Variants in B3GNT7 observed in about 807,000 individuals in gnomAD.
The protein encoded by B3GNT7 is BGnT-7.
A neutral mutation model predicts 5.1 loss-of-function variants in B3GNT7; 9 were observed. That is an observed-to-expected ratio of 1.77 (90% CI 1.07 to 3.09). The LOEUF (loss-of-function observed/expected upper bound fraction) is 3.09. Ranked by LOEUF, B3GNT7 falls within the 30% of genes most tolerant of loss-of-function variation. The pLI, the probability that B3GNT7 is intolerant of heterozygous loss-of-function variation, is 0.00. For missense variants in B3GNT7, 468 were observed against 550.8 expected (o/e 0.85, Z 1.50); for synonymous variants, 253 against 248.6 (o/e 1.02, Z -0.17).
intron 1 of B3GNT7, among the ~76,000 whole-genome samples, chr2:231,396,816 C>T (rs886582574): frequency 6.6e-6 from 1 of 151,698 alleles, no homozygotes; most frequent in African/African-American, 2.4e-5. Flanking sequence ...GCTCAGGCCC[C>T]AGGGCTTGGG....
chr2:231,397,404 T>C (rs2046524238), intron 1 of B3GNT7: 1 of 374,244 alleles, frequency 2.7e-6, no homozygotes, highest in Admixed American at 4.9e-5. Flanking sequence ...TGCCTGGTAC[T>C]TTATATAGCA....
chr2:231,398,741 C>T lies in B3GNT7; in HGVS notation c.1022C>T (p.Pro341Leu). The stretch of plus-strand genomic sequence containing the variant: ...TGCCTGGAGGTGCTGGGCGTGCAGC[C>T]CACGGCCCACGAGGGCTTCAAGACT... ...GMCLEVLGVQPTAHEGFKTFG... is the reference protein window; with the variant it reads ...GMCLEVLGVQLTAHEGFKTFG... The change falls in exon 2 of 2, where the codon CCC (proline) becomes CTC (leucine). Residue 341 changes from proline to leucine, a missense_variant. Pro to Leu is a moderately conservative substitution (Grantham distance 98). Transcript: ENST00000287590. 6.2e-7 allele frequency: 1 copy of T among 1,610,590 alleles called. No homozygotes were observed. Among genetic ancestry groups the T allele is most frequent in the Non-Finnish European group, 8.5e-7 (1 of 1,179,836 alleles).
chr2:231,398,981 T>A lies in B3GNT7; in HGVS notation c.*56T>A, dbSNP rs948611155. 2.1e-6 allele frequency: 3 copies of A among 1,450,264 alleles called. No individual in the cohort carries two copies. The highest frequency in any genetic ancestry group is 2.8e-5 in the African/African-American group (2 of 71,148). The allele number at this position is 1,450,264 out of a possible 1,614,324, so 89.8% of individuals were successfully genotyped here. On this transcript the variant is annotated 3_prime_UTR_variant, in exon 2 of 2. Transcript: ENST00000287590. ...CACTTGCTCCTGAGCCCCCATGGTA[T>A]TGGGGCTGGAGCCACAGTGCCCAGG... is the stretch of plus-strand genomic sequence containing the variant.
chr2:231,398,683 C>T lies in B3GNT7; in HGVS notation c.964C>T (p.Leu322Phe). ...RLHHACDTLE[L>F]YPIDDVFLGM... ...GCACCATGCCTGCGACACCCTGGAG[C>T]TCTACCCGATCGACGACGTCTTTCT... The change falls in exon 2 of 2, where the codon CTC becomes TTC. Residue 322 changes from leucine (L) to phenylalanine (F), a missense_variant. Physicochemically the swap from Leu to Phe is conservative, Grantham distance 22. Transcript: ENST00000287590. 6.2e-7 allele frequency: 1 copy of T among 1,612,180 alleles called. No homozygotes were observed. Among genetic ancestry groups the T allele is most frequent in the East Asian group, 2.2e-5 (1 of 44,872 alleles).
chr2:231,395,978 G>GGCGGCA lies in B3GNT7; in HGVS notation c.11+169_11+170insAGCGGC, dbSNP rs1384709126. Among the ~76,000 whole-genome samples, 1 of 151,146 alleles carries GGCGGCA rather than the reference G, an allele frequency of 6.6e-6. No individual in the cohort carries two copies. The highest frequency in any genetic ancestry group is 1.5e-5 in the Non-Finnish European group (1 of 67,620). On this transcript the variant is annotated intron_variant, in intron 1 of 1. Transcript: ENST00000287590. This position sits in a 1 kb window ranked among gnomAD's most constrained non-coding sequence, Gnocchi z 7.3. ...CGGGGGCGGATGGGCGGGCGGGCGC[G>GGCGGCA]GCGGCGGCGGCGGGAGATGTTCGCG...
chr2:231,395,863 G>A lies in B3GNT7; in HGVS notation c.11+49G>A. Reference sequence around the variant, plus strand: ...GGGGCCTGGGCGGGGGCGTGGGCCCGGGGCTCCCCCTCCTCCGTGGCCACA... The same window carrying A: ...GGGGCCTGGGCGGGGGCGTGGGCCCAGGGCTCCCCCTCCTCCGTGGCCACA... On this transcript the variant is annotated intron_variant, in intron 1 of 1. Coordinates refer to ENST00000287590, the MANE Select transcript of B3GNT7 (RefSeq NM_145236.3). This position sits in a 1 kb window ranked among gnomAD's most constrained non-coding sequence, Gnocchi z 7.3. 1 of 1,115,330 alleles carries A rather than the reference G, an allele frequency of 9.0e-7. No homozygotes were observed. Among genetic ancestry groups the A allele is most frequent in the Non-Finnish European group, 1.1e-6 (1 of 901,932 alleles). 69.1% of individuals were successfully genotyped at this position (1,115,330 alleles called of 1,614,324 possible).
intron 1 of B3GNT7, among the ~76,000 whole-genome samples, chr2:231,396,450 C>T (rs563875916): frequency 6.6e-6 from 1 of 152,334 alleles, no homozygotes; most frequent in East Asian, 1.9e-4. Flanking sequence ...GTCACACCCC[C>T]CAGCCTGCAC....
chr2:231,401,130 G>C lies in B3GNT7; in HGVS notation c.*2205G>C, dbSNP rs1312170883. ...GCTCTTAAGACGCGAGTCTGCCGAC[G>C]CTCCCGGCCGAATAAAAACCTCTTC... On this transcript the variant is annotated 3_prime_UTR_variant, in exon 2 of 2. Coordinates refer to ENST00000287590, the MANE Select transcript of B3GNT7 (RefSeq NM_145236.3). The C allele has an allele frequency of 6.6e-6, 1 of 152,322 alleles. No individual in the cohort carries two copies. The highest frequency in any genetic ancestry group is 2.1e-4 in the South Asian group (1 of 4,826). The allele number at this position is 152,322 out of a possible 1,614,324, so 9.4% of individuals were successfully genotyped here.
rs6750321 is a variant in B3GNT7, at chr2:231,397,077, C to A, written c.12-654C>A. 2.3e-3 allele frequency: 1,174 copies of A among 519,930 alleles called. 16 individuals carry two copies. The African/African-American group carries it at 0.023, about 10-fold the overall frequency. The allele number at this position is 519,930 out of a possible 1,614,324, so 32.2% of individuals were successfully genotyped here. On this transcript the variant is annotated intron_variant, in intron 1 of 1. Coordinates refer to ENST00000287590, the MANE Select transcript of B3GNT7 (RefSeq NM_145236.3). ...ACTGCATCCTTGGGCCTCCATCAACCATGAGGGCTGCTCTTTGTTGGGTGA... is the reference window on the plus strand; with the variant it reads ...ACTGCATCCTTGGGCCTCCATCAACAATGAGGGCTGCTCTTTGTTGGGTGA...
chr2:231,396,528 G>A (rs1346363209), intron 1 of B3GNT7, among the ~76,000 whole-genome samples: 1 of 152,194 alleles, frequency 6.6e-6, no homozygotes, highest in African/African-American at 2.4e-5. Context: ...GGAAAATGTC[G>A]CTCTATGGGG....
In B3GNT7 at chr2:231,398,219, G is replaced by T; in HGVS notation, c.500G>T (p.Gly167Val). The T allele has an allele frequency of 6.2e-7, 1 of 1,600,546 alleles. No individual in the cohort carries two copies. The highest frequency in any genetic ancestry group is 8.5e-7 in the Non-Finnish European group (1 of 1,173,260). Residue 167 changes from glycine to valine, a missense_variant, in exon 2 of 2, where the codon GGC becomes GTC. Gly to Val is a moderately radical substitution (Grantham distance 109). Coordinates refer to ENST00000287590, the MANE Select transcript of B3GNT7 (RefSeq NM_145236.3). Reference sequence around the variant, plus strand: ...CGCGAGCGGCAGTCCGCGGGTGGGGGCCGAGGCGCCGTGCGCACCCTCTTC... The same window carrying T: ...CGCGAGCGGCAGTCCGCGGGTGGGGTCCGAGGCGCCGTGCGCACCCTCTTC... ...WGRERQSAGG[G>V]RGAVRTLFLL...
chr2:231,398,975 A>C lies in B3GNT7; in HGVS notation c.*50A>C. On this transcript the variant is annotated 3_prime_UTR_variant, in exon 2 of 2. Transcript: ENST00000287590. The stretch of plus-strand genomic sequence containing the variant: ...CCAGGGCACTTGCTCCTGAGCCCCC[A>C]TGGTATTGGGGCTGGAGCCACAGTG... The C allele has an allele frequency of 2.8e-5, 41 of 1,454,008 alleles. No homozygotes were observed. The highest frequency in any genetic ancestry group is 3.5e-5 in the Non-Finnish European group (38 of 1,082,228). The allele number at this position is 1,454,008 out of a possible 1,614,324, so 90.1% of individuals were successfully genotyped here. A position where few individuals can be genotyped will look rare whatever the true frequency, so the allele number is the denominator to read the frequency against.
rs144756236 is a variant in B3GNT7 at position 231,396,867 on chromosome 2, C to T, written c.12-864C>T. On this transcript the variant is annotated intron_variant, in intron 1 of 1. Transcript: ENST00000287590. ...GGCAGAGAGCTCTAATTTCTGCTTCCGAAATGGGTGTGGACCGGGGTTGGG... is the reference window on the plus strand; with the variant it reads ...GGCAGAGAGCTCTAATTTCTGCTTCTGAAATGGGTGTGGACCGGGGTTGGG... Among the ~76,000 whole-genome samples the T allele has an allele frequency of 6.8e-4, 102 of 149,564 alleles. 2 individuals are homozygous for T. In the East Asian group the frequency reaches 0.018, roughly 26 times the overall value.
chr2:231,396,885 G>A (rs1424637662), intron 1 of B3GNT7, among the ~76,000 whole-genome samples: 1 of 152,154 alleles, frequency 6.6e-6, no homozygotes, highest in Non-Finnish European at 1.5e-5. Context: ...GTGTGGACCG[G>A]GGTTGGGGTG....
At chr2:231,397,683 T>G (rs376886234) in intron 1 of B3GNT7, 48 bp from the exon 2 acceptor site, 38 of 1,513,624 alleles carry the variant, frequency 2.5e-5, no homozygotes, top group Non-Finnish European at 3.2e-5. Context: ...AGGAGAGCCC[T>G]GGGCTCATCT....
At position 231,398,498 on chromosome 2, in the gene B3GNT7, AG is replaced by A; in HGVS notation, c.781del (p.Glu261LysfsTer100). Reference sequence around the variant, plus strand: ...GAATTTCTGGCTGACCGGCAGCCACAGGAAAACCTGTTCGTGGGCGATGTCC... The same window carrying A: ...GAATTTCTGGCTGACCGGCAGCCACAGAAAACCTGTTCGTGGGCGATGTCC... The part of the protein sequence containing the change: ...LLEFLADRQP[Q>X]ENLFVGDVLQ... On this transcript the variant is annotated frameshift_variant, in exon 2 of 2. Coordinates refer to ENST00000287590, the MANE Select transcript of B3GNT7 (RefSeq NM_145236.3). LOFTEE classifies it low-confidence loss of function (END_TRUNC). 4.3e-6 allele frequency: 7 copies of A among 1,613,750 alleles called. No individual in the cohort carries two copies. Among genetic ancestry groups the A allele is most frequent in the Non-Finnish European group, 5.9e-6 (7 of 1,179,894 alleles).
At position 231,395,849 on chromosome 2, in the gene B3GNT7, G is replaced by C. The variant is rs2046508382; in HGVS notation, c.11+35G>C. 5.2e-6 allele frequency: 6 copies of C among 1,146,338 alleles called. No homozygotes were observed. Among genetic ancestry groups the C allele is most frequent in the Non-Finnish European group, 6.5e-6 (6 of 929,148 alleles). The allele number at this position is 1,146,338 out of a possible 1,614,324, so 71.0% of individuals were successfully genotyped here. A position where few individuals can be genotyped will look rare whatever the true frequency, so the allele number is the denominator to read the frequency against. ...GCTGGGGGCCGTCGGGGGCCTGGGC[G>C]GGGGCGTGGGCCCGGGGCTCCCCCT... On this transcript the variant is annotated intron_variant, in intron 1 of 1. Transcript: ENST00000287590. The surrounding 1 kb of genome is among the most constrained non-coding windows in gnomAD (Gnocchi z 7.3).
chr2:231,396,333 C>T (rs1223784024), intron 1 of B3GNT7, among the ~76,000 whole-genome samples: 1 of 152,272 alleles, frequency 6.6e-6, no homozygotes, highest in Middle Eastern at 3.4e-3. Context: ...GGTGCACCCC[C>T]CGACCTCCCC....
chr2:231,398,913 C>G lies in B3GNT7; in HGVS notation c.1194C>G (p.Leu398=), dbSNP rs772774871. 1 of 1,579,294 alleles carries G rather than the reference C, an allele frequency of 6.3e-7. No individual in the cohort carries two copies. The highest frequency in any genetic ancestry group is 1.1e-5 in the South Asian group (1 of 88,222). Residue 398 remains leucine (L), a synonymous_variant, in exon 2 of 2, where the codon CTC becomes CTG. Transcript: ENST00000287590. The stretch of plus-strand genomic sequence containing the variant: ...GCAATCTCACCTGCTCCCGCAAGCT[C>G]CAGGTGCTCTGACCCCAGCCGGGCT... ...VHSNLTCSRK[L]QVL
Sources: gnomAD v4.1 joint callset for allele counts (sites outside exome capture counted in the v4.1 genomes callset) on GRCh38, gnomAD v4.1.1 for gene constraint, Gnocchi (gnomAD v3.1) non-coding constraint, MANE v1.5 for transcripts, NCBI Gene and HGNC (gene_info 2026-07-23, HGNC 2026-07-21) for gene names.